Variants in ZMAT4 observed in about 807,000 individuals in gnomAD.
The protein encoded by ZMAT4 is zinc finger matrin-type protein 4.
A neutral mutation model predicts 28.7 loss-of-function variants in ZMAT4; 17 were observed. The ratio of observed to expected loss-of-function variants is 0.59; its 90% CI spans 0.41 to 0.89. The LOEUF (loss-of-function observed/expected upper bound fraction) is 0.89, where lower values mean the gene tolerates loss of function less well. ZMAT4 is among the 40% of genes least tolerant of loss of function. The probability of loss-of-function intolerance (pLI) is 0.00; values close to 1 mark genes in which losing one functional copy is unlikely to be tolerated. For synonymous variants in ZMAT4, 117 were observed against 109.2 expected (o/e 1.07, Z -0.44); for missense variants, 240 against 283.8 (o/e 0.85, Z 1.11).
At chr8:40,600,696 A>G (rs115003604) in intron 5 of ZMAT4, among the ~76,000 whole-genome samples, 327 of 152,304 alleles carry the variant, frequency 2.1e-3, no homozygotes, top group African/African-American at 7.3e-3. Flanking sequence ...CTAGAGTGCC[A>G]AACTCCAGTT....
intron 5 of ZMAT4, among the ~76,000 whole-genome samples, chr8:40,619,311 C>A (rs1232118533): frequency 6.6e-6 from 1 of 152,174 alleles, no homozygotes; most frequent in African/African-American, 2.4e-5. Context: ...CAACTCTCTG[C>A]AGTCTGTCCA....
At chr8:40,612,220 T>TGACGTG (rs1189151683) in intron 5 of ZMAT4, among the ~76,000 whole-genome samples, 2 of 88,384 alleles carry the variant, frequency 2.3e-5, no homozygotes, top group Non-Finnish European at 6.7e-5. Context: ...TGCTCATTCA[T>TGACGTG]ATCCTCTGTC....
chr8:40,719,023 T>A (rs62497408), intron 3 of ZMAT4, among the ~76,000 whole-genome samples: 4,141 of 152,298 alleles, frequency 0.027, 69 homozygotes, highest in Middle Eastern at 0.048. Context: ...TTCAAAATAC[T>A]GCTCACTCAG....
At chr8:40,885,176 C>CA in intron 1 of ZMAT4, among the ~76,000 whole-genome samples, 1 of 152,284 alleles carries the variant, frequency 6.6e-6, no homozygotes, top group African/African-American at 2.4e-5. Flanking sequence ...CAGCAACCCC[C>CA]AAAACAAACT....
chr8:40,827,585 T>C (rs764854977), intron 1 of ZMAT4, among the ~76,000 whole-genome samples: 4 of 152,248 alleles, frequency 2.6e-5, no homozygotes, highest in African/African-American at 9.6e-5. Flanking sequence ...AGGGCATTTG[T>C]CTTCAGCAAT....
At chr8:40,567,703 A>C (rs1803965011) in intron 6 of ZMAT4, among the ~76,000 whole-genome samples, 2 of 149,950 alleles carry the variant, frequency 1.3e-5, no homozygotes, top group Admixed American at 1.3e-4. Flanking sequence ...ACTGTCTCAA[A>C]AAAAAAAAAA....
chr8:40,595,171 A>T (rs1455817058), intron 5 of ZMAT4, among the ~76,000 whole-genome samples: 1 of 152,300 alleles, frequency 6.6e-6, no homozygotes, highest in South Asian at 2.1e-4. Flanking sequence ...TTTCCTTTCT[A>T]TCAACAACCT....
At chr8:40,820,959 GTGTGTATGTGTGTA>G (rs1160915530) in intron 2 of ZMAT4, among the ~76,000 whole-genome samples, 3 of 150,306 alleles carry the variant, frequency 2.0e-5, no homozygotes, top group Non-Finnish European at 3.0e-5. Flanking sequence ...GTGTGTGTCT[GTGTGTATGTGTGTA>G]TGTGTATGTG....
chr8:40,631,211 C>T (rs866978128), intron 5 of ZMAT4, among the ~76,000 whole-genome samples: 20 of 152,250 alleles, frequency 1.3e-4, no homozygotes, highest in Middle Eastern at 6.8e-3. Context: ...CTCACTCTCT[C>T]GCCCAGGCTG....
At chr8:40,801,967 GA>G (rs201710149) in intron 2 of ZMAT4, among the ~76,000 whole-genome samples, 7 of 150,588 alleles carry the variant, frequency 4.6e-5, no homozygotes, top group East Asian at 3.9e-4. Flanking sequence ...GGGCTAAAGA[GA>G]AAAAAAAATC....
intron 2 of ZMAT4, among the ~76,000 whole-genome samples, chr8:40,777,588 G>A (rs936045027): frequency 6.6e-6 from 1 of 152,236 alleles, no homozygotes; most frequent in African/African-American, 2.4e-5. Context: ...GAAAAGCAGG[G>A]CCCCTGAAGC....
At position 40,803,605 on chromosome 8, in the gene ZMAT4, C is replaced by T. The variant is rs1039416598; in HGVS notation, c.102+21970G>A. On this transcript the variant is annotated intron_variant, in intron 2 of 6. Coordinates refer to ENST00000297737, the MANE Select transcript of ZMAT4 (RefSeq NM_024645.3). ...GACAATAGTATTGGATGTGGAGCAT[C>T]AGGAGCTCTCATCATTGCTGGTGGA... Among the ~76,000 whole-genome samples the T allele has an allele frequency of 2.0e-5, 3 of 152,164 alleles. No homozygotes were observed. The South Asian group carries it at 6.2e-4, about 31-fold the overall frequency.
At chr8:40,538,937 C>G (rs1016630289) in intron 6 of ZMAT4, among the ~76,000 whole-genome samples, 1 of 152,062 alleles carries the variant, frequency 6.6e-6, no homozygotes, top group African/African-American at 2.4e-5. Flanking sequence ...AGGCACCCGC[C>G]ACCACACCTG....
intron 6 of ZMAT4, among the ~76,000 whole-genome samples, chr8:40,572,326 C>T (rs973735545): frequency 3.9e-5 from 6 of 151,982 alleles, no homozygotes; most frequent in African/African-American, 1.5e-4. Flanking sequence ...AGGATTCATA[C>T]CAGTTAGAAA....
chr8:40,656,461 GA>G (rs1209604560), intron 5 of ZMAT4, among the ~76,000 whole-genome samples: 1 of 152,066 alleles, frequency 6.6e-6, no homozygotes, highest in Non-Finnish European at 1.5e-5. Flanking sequence ...CAAGAGAACT[GA>G]TAGCATATAT....
intron 5 of ZMAT4, among the ~76,000 whole-genome samples, chr8:40,643,496 C>G (rs541701470): frequency 5.9e-5 from 9 of 152,066 alleles, no homozygotes; most frequent in Non-Finnish European, 1.0e-4. Context: ...ACTTCTTTAG[C>G]GCATATCAAG....
chr8:40,566,287 T>C (rs1267471347), intron 6 of ZMAT4, among the ~76,000 whole-genome samples: 15 of 152,198 alleles, frequency 9.9e-5, no homozygotes, highest in African/African-American at 9.6e-5. Flanking sequence ...TATTTTATAC[T>C]GGGTTTCTTT....
At chr8:40,858,571 T>C (rs1817380079) in intron 1 of ZMAT4, among the ~76,000 whole-genome samples, 1 of 152,164 alleles carries the variant, frequency 6.6e-6, no homozygotes, top group Admixed American at 6.5e-5. Flanking sequence ...CTTTGGGTCT[T>C]AGAGAGATTC....
intron 6 of ZMAT4, among the ~76,000 whole-genome samples, chr8:40,573,805 C>CATCACTA (rs1054418170): frequency 6.6e-6 from 1 of 152,118 alleles, no homozygotes; most frequent in Non-Finnish European, 1.5e-5. Flanking sequence ...GTGTTCTTGT[C>CATCACTA]ATCACTAATC....
Sources: gnomAD v4.1 joint callset for allele counts (sites outside exome capture counted in the v4.1 genomes callset) on GRCh38, gnomAD v4.1.1 for gene constraint, MANE v1.5 for transcripts, NCBI Gene and HGNC (gene_info 2026-07-23, HGNC 2026-07-21) for gene names.